The following NUS1 variants were observed in gnomAD, a reference collection of about 807,000 sequenced individuals.
NUS1 encodes dehydrodolichyl diphosphate synthase complex subunit NUS1.
For synonymous variants in NUS1, 135 were observed against 155.2 expected (o/e 0.87, Z 0.97); for missense variants, 292 against 382.9 (o/e 0.76, Z 1.98).
At chr6:117,694,219 G>GTA in intron 3 of NUS1, 39 bp downstream of exon 3, 1 of 1,143,016 alleles carries the variant, frequency 8.7e-7, no homozygotes, top group Non-Finnish European at 1.2e-6. Flanking sequence ...ATATGTATAT[G>GTA]TATGTGTGTG....
At chr6:117,703,496 A>G (rs1773457858) in intron 3 of NUS1, 109 bp from the exon 4 acceptor site, 1 of 819,664 alleles carries the variant, frequency 1.2e-6, no homozygotes, top group African/African-American at 1.7e-5. Context: ...CAGGTAGTTT[A>G]AAGAACCAAT....
chr6:117,686,335 T>C (rs1773140176), intron 1 of NUS1, among the ~76,000 whole-genome samples: 1 of 152,192 alleles, frequency 6.6e-6, no homozygotes. Flanking sequence ...ATTTATTTTA[T>C]AAAATTCAAC....
rs1385162540 is a variant in NUS1, at chr6:117,710,508, A to T, written c.*3493A>T. On this transcript the variant is annotated 3_prime_UTR_variant, in exon 5 of 5. Coordinates refer to ENST00000368494, the MANE Select transcript of NUS1 (RefSeq NM_138459.5). ...TCATTATAGGAAAAAGAAGATTCAGAGAAACAAAGGAATGTAACCTTATTG... is the reference window on the plus strand; with the variant it reads ...TCATTATAGGAAAAAGAAGATTCAGTGAAACAAAGGAATGTAACCTTATTG... 3 of 152,136 alleles carry T rather than the reference A, an allele frequency of 2.0e-5. No individual in the cohort carries two copies. The highest frequency in any genetic ancestry group is 4.4e-5 in the Non-Finnish European group (3 of 67,980). 9.4% of individuals were successfully genotyped at this position (152,136 alleles called of 1,614,324 possible).
intron 3 of NUS1, among the ~76,000 whole-genome samples, chr6:117,697,395 T>C (rs950019169): frequency 6.6e-6 from 1 of 151,970 alleles, no homozygotes; most frequent in East Asian, 1.9e-4. Context: ...GACCCAATGA[T>C]CTGTTGCCTA....
At chr6:117,702,444 G>A (rs1296450746) in intron 3 of NUS1, among the ~76,000 whole-genome samples, 3 of 152,132 alleles carry the variant, frequency 2.0e-5, no homozygotes, top group African/African-American at 4.8e-5. Context: ...ATAGACCTTT[G>A]CCATTCTTAC....
At chr6:117,692,958 C>A in intron 1 of NUS1, 84 bp from the exon 2 acceptor site, 1 of 1,097,178 alleles carries the variant, frequency 9.1e-7, no homozygotes, top group Non-Finnish European at 1.4e-6. Flanking sequence ...AGTTCTGGAT[C>A]TAGTGTTGTT....
chr6:117,677,457 G>A (rs1280759463), intron 1 of NUS1, among the ~76,000 whole-genome samples: 1 of 152,200 alleles, frequency 6.6e-6, no homozygotes, highest in African/African-American at 2.4e-5. Flanking sequence ...CTTTAAAGAT[G>A]TGAGAAGAAT....
chr6:117,692,856 C>T lies in NUS1; in HGVS notation c.416-186C>T, dbSNP rs556615158. ...CTCTGTTCTTTTTTTTGCTGGAAGCCAGACTCTTGTATTAACAAAGTTTTG... is the reference window on the plus strand; with the variant it reads ...CTCTGTTCTTTTTTTTGCTGGAAGCTAGACTCTTGTATTAACAAAGTTTTG... On this transcript the variant is annotated intron_variant, in intron 1 of 4. Coordinates refer to ENST00000368494, the MANE Select transcript of NUS1 (RefSeq NM_138459.5). Among the ~76,000 whole-genome samples, 4 of 152,174 alleles carry T rather than the reference C, an allele frequency of 2.6e-5. No homozygotes were observed. In the South Asian group the frequency reaches 8.3e-4, roughly 32 times the overall value.
At chr6:117,693,903 T>G (rs996870246) in intron 2 of NUS1, 128 bp from the exon 3 acceptor site, 1 of 971,768 alleles carries the variant, frequency 1.0e-6, no homozygotes, top group Non-Finnish European at 1.5e-6. Context: ...TTGAAGGGCT[T>G]AAAAAATTCT....
intron 1 of NUS1, among the ~76,000 whole-genome samples, chr6:117,691,845 C>G (rs555758805): frequency 1.3e-5 from 2 of 151,672 alleles, no homozygotes; most frequent in East Asian, 3.9e-4. Flanking sequence ...ATGGCAATTT[C>G]TGTTACTCTG....
chr6:117,699,951 C>T (rs868795352), intron 3 of NUS1, among the ~76,000 whole-genome samples: 20 of 152,134 alleles, frequency 1.3e-4, no homozygotes, highest in Admixed American at 6.5e-4. Flanking sequence ...ACTGGATATC[C>T]GCATGGAAAA....
chr6:117,706,845 T>C, intron 4 of NUS1, 80 bp from the exon 5 acceptor site: 6 of 1,113,464 alleles, frequency 5.4e-6, no homozygotes, highest in Non-Finnish European at 8.2e-6. Flanking sequence ...CTTAACTTCT[T>C]TTTGGTCCTT....
At chr6:117,691,710 T>C (rs909216534) in intron 1 of NUS1, among the ~76,000 whole-genome samples, 2 of 149,326 alleles carry the variant, frequency 1.3e-5, no homozygotes, top group Admixed American at 1.3e-4. Flanking sequence ...TATTGATTGA[T>C]ATAATTTTAA....
chr6:117,684,618 C>T (rs888963471), intron 1 of NUS1, among the ~76,000 whole-genome samples: 20 of 152,064 alleles, frequency 1.3e-4, no homozygotes, highest in Admixed American at 9.2e-4. Flanking sequence ...GGAATGCTTT[C>T]GAAATTCATT....
In NUS1 at chr6:117,696,082, AAG is replaced by A. The variant is rs1180677139; in HGVS notation, c.691+1907_691+1908del. The stretch of plus-strand genomic sequence containing the variant: ...AGAATTCTATCAGATAAATTTAACA[AAG>A]AGAGTGAAATAATTAAAAAGAATCA... On this transcript the variant is annotated intron_variant, in intron 3 of 4. Transcript: ENST00000368494. Among the ~76,000 whole-genome samples the A allele has an allele frequency of 2.0e-5, 3 of 152,096 alleles. 1 individual carries two copies. Among genetic ancestry groups the A allele is most frequent in the Admixed American group, 2.0e-4 (3 of 15,270 alleles).
intron 1 of NUS1, among the ~76,000 whole-genome samples, chr6:117,688,552 C>T (rs184891899): frequency 2.1e-3 from 325 of 151,992 alleles, no homozygotes; most frequent in Non-Finnish European, 3.8e-3. Context: ...TTTGCTTGTC[C>T]TCTTCCAGTC....
chr6:117,697,018 G>A (rs895748600), intron 3 of NUS1, among the ~76,000 whole-genome samples: 39 of 152,124 alleles, frequency 2.6e-4, no homozygotes, highest in African/African-American at 9.4e-4. Context: ...ATGGGGAGAT[G>A]AATGTAAAGT....
At chr6:117,703,559 C>A in intron 3 of NUS1, 46 bp from the exon 4 acceptor site, 1 of 1,223,308 alleles carries the variant, frequency 8.2e-7, no homozygotes, top group South Asian at 1.2e-5. Context: ...TGTGTGTGTG[C>A]ACATGCAGTG....
rs1374546767 is a variant in NUS1 at position 117,710,533 on chromosome 6, GATT to G, written c.*3520_*3522del. On this transcript the variant is annotated 3_prime_UTR_variant, in exon 5 of 5. Coordinates refer to ENST00000368494, the MANE Select transcript of NUS1 (RefSeq NM_138459.5). ...AGAAACAAAGGAATGTAACCTTATTGATTACATTTTTGGTGATCACCGAGAATT... is the reference window on the plus strand; with the variant it reads ...AGAAACAAAGGAATGTAACCTTATTGACATTTTTGGTGATCACCGAGAATT... 6.6e-6 allele frequency: 1 copy of G among 151,892 alleles called. No individual in the cohort carries two copies. The highest frequency in any genetic ancestry group is 2.4e-5 in the African/African-American group (1 of 41,358). The allele number at this position is 151,892 out of a possible 1,614,324, so 9.4% of individuals were successfully genotyped here.
Sources: gnomAD v4.1 joint callset for allele counts (sites outside exome capture counted in the v4.1 genomes callset) on GRCh38, gnomAD v4.1.1 for gene constraint, MANE v1.5 for transcripts, NCBI Gene and HGNC (gene_info 2026-07-23, HGNC 2026-07-21) for gene names.